DOCK9: variants seen among roughly 807,000 people sequenced by gnomAD.
DOCK9 encodes dedicator of cytokinesis protein 9.
A neutral mutation model predicts 263.3 loss-of-function variants in DOCK9; 89 were observed. That is an observed-to-expected ratio of 0.34 (90% CI 0.28 to 0.40). The LOEUF (loss-of-function observed/expected upper bound fraction) is 0.40. DOCK9 is among the 10% of genes least tolerant of loss of function. DOCK9 has a pLI of 1.00. For missense variants in DOCK9, 2,140 were observed against 2,603.4 expected (o/e 0.82, Z 3.87); for synonymous variants, 976 against 973.1 (o/e 1.00, Z -0.06).
chr13:98,978,073 G>T, upstream of DOCK9: 1 of 1,420,560 alleles, frequency 7.0e-7, no homozygotes, highest in South Asian at 1.6e-5. Flanking sequence ...CTGTGGGGTG[G>T]GAAGGCATGA....
intron 1 of DOCK9, among the ~76,000 whole-genome samples, chr13:99,001,653 A>C (rs1882336992): frequency 6.6e-6 from 1 of 152,196 alleles, no homozygotes; most frequent in Non-Finnish European, 1.5e-5. Flanking sequence ...TATGGCTGAG[A>C]GAGGAGGACT....
At chr13:98,879,990 A>C in intron 26 of DOCK9, 21 bp from the exon 27 acceptor site, 1 of 1,577,004 alleles carries the variant, frequency 6.3e-7, no homozygotes, top group Non-Finnish European at 8.6e-7. Flanking sequence ...AAAGAACAGG[A>C]CCCAGTAAGA....
At chr13:98,802,455 C>T (rs1437407946) in intron 49 of DOCK9, among the ~76,000 whole-genome samples, 2 of 152,134 alleles carry the variant, frequency 1.3e-5, no homozygotes, top group Admixed American at 1.3e-4. Flanking sequence ...GGGGAAGGCC[C>T]AGTGATAAGT....
chr13:98,924,856 C>A (rs930055064), intron 4 of DOCK9, among the ~76,000 whole-genome samples: 2 of 152,056 alleles, frequency 1.3e-5, no homozygotes, highest in African/African-American at 4.8e-5. Flanking sequence ...ACCTGCAGAA[C>A]TATAAGCGAA....
intron 45 of DOCK9, among the ~76,000 whole-genome samples, chr13:98,817,692 A>G (rs1208574201): frequency 3.3e-5 from 5 of 151,344 alleles, no homozygotes; most frequent in Non-Finnish European, 7.4e-5. Context: ...TAAGTAGCAT[A>G]TAAGTATTGA....
chr13:98,866,769 G>A (rs2094038046), intron 30 of DOCK9, among the ~76,000 whole-genome samples: 2 of 152,174 alleles, frequency 1.3e-5, no homozygotes, highest in Admixed American at 1.3e-4. Context: ...TATGAAAATA[G>A]TAGAATAATG....
At chr13:99,074,014 A>T (rs1344487181) in intron 1 of DOCK9, among the ~76,000 whole-genome samples, 2 of 152,180 alleles carry the variant, frequency 1.3e-5, no homozygotes, top group African/African-American at 4.8e-5. Flanking sequence ...ACCTTTTCTC[A>T]ACTCATCGGT....
intron 39 of DOCK9, among the ~76,000 whole-genome samples, chr13:98,835,790 A>AG (rs1281503350): frequency 8.2e-6 from 1 of 121,456 alleles, no homozygotes; most frequent in African/African-American, 3.3e-5. Flanking sequence ...GCCAGGCTGG[A>AG]GTGCAGTGGC....
intron 52 of DOCK9, among the ~76,000 whole-genome samples, chr13:98,795,720 T>C (rs561415013): frequency 1.3e-5 from 2 of 152,178 alleles, no homozygotes; most frequent in South Asian, 4.1e-4. Flanking sequence ...TTCTGCTTAA[T>C]TATTCAGACA....
At chr13:98,863,830 C>T (rs2093944330) in intron 30 of DOCK9, among the ~76,000 whole-genome samples, 2 of 152,132 alleles carry the variant, frequency 1.3e-5, no homozygotes, top group Admixed American at 1.3e-4. Context: ...AATTAGTGAA[C>T]AGTTTAAGTA....
intron 45 of DOCK9, among the ~76,000 whole-genome samples, chr13:98,813,971 A>G (rs935449155): frequency 1.1e-4 from 16 of 152,212 alleles, no homozygotes; most frequent in African/African-American, 3.1e-4. Context: ...TTAAGGGTCT[A>G]TAGTTGCTTT....
rs191869518 is a variant in DOCK9 at position 98,923,836 on chromosome 13, T to C, written c.417-465A>G. Among the ~76,000 whole-genome samples the C allele has an allele frequency of 1.7e-4, 26 of 152,320 alleles. No homozygotes were observed. The East Asian group carries it at 4.6e-3, about 27-fold the overall frequency. On this transcript the variant is annotated intron_variant, in intron 4 of 52. Transcript: ENST00000682017. ...CGTGCTAGGCCCTGCGCACTTCTCA[T>C]GTGCCCTCTCATTTAATCCTTTAAT... is the stretch of plus-strand genomic sequence containing the variant.
chr13:98,807,083 C>T (rs560561657), intron 48 of DOCK9, among the ~76,000 whole-genome samples: 1 of 152,180 alleles, frequency 6.6e-6, no homozygotes, highest in African/African-American at 2.4e-5. Flanking sequence ...GGAGACCTGA[C>T]CTCCTGGAGA....
At chr13:98,986,346 C>G (rs1878437197) in intron 1 of DOCK9, among the ~76,000 whole-genome samples, 3 of 152,246 alleles carry the variant, frequency 2.0e-5, no homozygotes, top group African/African-American at 7.2e-5. Flanking sequence ...AATTAGCTAT[C>G]TAGCATCGGG....
intron 1 of DOCK9, among the ~76,000 whole-genome samples, chr13:99,021,920 A>C (rs534211575): frequency 6.6e-6 from 1 of 152,236 alleles, no homozygotes; most frequent in Non-Finnish European, 1.5e-5. Context: ...CATGGCACAC[A>C]TATATTTATA....
chr13:99,073,686 C>T (rs2041790770), intron 1 of DOCK9, among the ~76,000 whole-genome samples: 1 of 152,170 alleles, frequency 6.6e-6, no homozygotes. Flanking sequence ...TGGCCTAACC[C>T]TTCCTGCCTT....
At position 98,870,788 on chromosome 13, in the gene DOCK9, C is replaced by T. The variant is rs1354201021; in HGVS notation, c.2944-2411G>A. 3.3e-5 allele frequency among the ~76,000 whole-genome samples: 5 copies of T among 151,686 alleles called. No individual in the cohort carries two copies. The East Asian group carries it at 7.7e-4, about 23-fold the overall frequency. On this transcript the variant is annotated intron_variant, in intron 27 of 52. Transcript: ENST00000682017. ...GATCCAACCACAAGTTCACAGGGAA[C>T]ACGGGGCAGAGAACCACGTATGTAA...
chr13:98,942,332 A>G (rs1210015865), intron 2 of DOCK9, among the ~76,000 whole-genome samples: 3 of 148,892 alleles, frequency 2.0e-5, no homozygotes, highest in Non-Finnish European at 4.4e-5. Context: ...TCCGCCTCCC[A>G]GGTTCACGCC....
At position 99,005,030 on chromosome 13, in the gene DOCK9, A is replaced by G. The variant is rs574729384; in HGVS notation, c.130-49479T>C. ...AAACTCTGCTAGCACCTTTGCTTAT[A>G]TTTTGCTGGGACTTCTTTTGTTAGC... is the stretch of plus-strand genomic sequence containing the variant. On this transcript the variant is annotated intron_variant, in intron 1 of 32. Coordinates refer to the DOCK9 transcript ENST00000427887. Among the ~76,000 whole-genome samples, 3 of 151,910 alleles carry G rather than the reference A, an allele frequency of 2.0e-5. No individual in the cohort carries two copies. In the South Asian group the frequency reaches 6.2e-4, roughly 32 times the overall value.
Sources: gnomAD v4.1 joint callset for allele counts (sites outside exome capture counted in the v4.1 genomes callset) on GRCh38, gnomAD v4.1.1 for gene constraint, MANE v1.5 for transcripts, NCBI Gene and HGNC (gene_info 2026-07-23, HGNC 2026-07-21) for gene names.